The following IGF2BP3 variants were observed in gnomAD, a reference collection of about 807,000 sequenced individuals.
IGF2BP3 encodes insulin like growth factor 2 mRNA binding protein 3.
IGF2BP3 carries 9 observed loss-of-function variants against 73.8 expected under a neutral mutation model. The ratio of observed to expected loss-of-function variants is 0.12; its 90% confidence interval spans 0.07 to 0.21. The LOEUF (loss-of-function observed/expected upper bound fraction) is 0.21, where lower values mean the gene tolerates loss of function less well. Ranked by LOEUF, IGF2BP3 falls within the 10% of genes least tolerant of loss-of-function variation. The pLI, the probability that IGF2BP3 is intolerant of heterozygous loss-of-function variation, is 1.00. For missense variants in IGF2BP3, 542 were observed against 714.0 expected (o/e 0.76, Z 2.75); for synonymous variants, 258 against 256.7 (o/e 1.01, Z -0.05).
chr7:23,339,457 T>C (rs1784654601), intron 10 of IGF2BP3, among the ~76,000 whole-genome samples: 1 of 152,230 alleles, frequency 6.6e-6, no homozygotes. Context: ...ATCCAGAGAA[T>C]ATGCAGTCTT....
intron 2 of IGF2BP3, among the ~76,000 whole-genome samples, chr7:23,424,050 G>A (rs538312833): frequency 2.9e-4 from 44 of 152,166 alleles, no homozygotes; most frequent in African/African-American, 8.9e-4. Flanking sequence ...CCCGGGAGAC[G>A]GAGGTTGCAG....
At position 23,418,781 on chromosome 7, in the gene IGF2BP3, A is replaced by C; in HGVS notation, c.280T>G (p.Trp94Gly). 1 of 1,575,552 alleles carries C rather than the reference A, an allele frequency of 6.3e-7. No homozygotes were observed. The highest frequency in any genetic ancestry group is 8.7e-7 in the Non-Finnish European group (1 of 1,152,544). The change falls in exon 3 of 15, where the codon TGG (tryptophan) becomes GGG (glycine). Residue 94 changes from tryptophan to glycine, a missense_variant. By Grantham distance (184) the Trp-to-Gly change is radical. Transcript: ENST00000258729. ...TTAAATACAGAAATTCTTACCTCCCACTGTAAATGAGGCGGGATATTTCGT... is the reference window on the plus strand; with the variant it reads ...TTAAATACAGAAATTCTTACCTCCCCCTGTAAATGAGGCGGGATATTTCGT... ...QIRNIPPHLQ[W>G]EVLDSLLVQY...
intron 12 of IGF2BP3, among the ~76,000 whole-genome samples, chr7:23,317,178 G>A (rs1212543722): frequency 1.3e-5 from 2 of 152,152 alleles, no homozygotes; most frequent in East Asian, 3.9e-4. Context: ...AAGAGCTCCT[G>A]CCATTCCTAT....
intron 5 of IGF2BP3, among the ~76,000 whole-genome samples, chr7:23,355,227 T>TA (rs1487352826): frequency 6.7e-6 from 1 of 148,506 alleles, no homozygotes; most frequent in African/African-American, 2.4e-5. Context: ...TTATTTTTAT[T>TA]TTTTTTTTTT....
intron 10 of IGF2BP3, among the ~76,000 whole-genome samples, chr7:23,331,311 A>C (rs1249863544): frequency 6.6e-6 from 1 of 152,214 alleles, no homozygotes; most frequent in Non-Finnish European, 1.5e-5. Context: ...AAGGCACAGA[A>C]GTTTATGTTT....
intron 3 of IGF2BP3, among the ~76,000 whole-genome samples, chr7:23,418,548 T>G (rs1787256567): frequency 1.3e-5 from 2 of 152,232 alleles, no homozygotes; most frequent in Admixed American, 1.3e-4. Flanking sequence ...GATTACCCAG[T>G]TACCCAAGAA....
At chr7:23,388,607 C>CTTTTTTTT (rs35723715) in intron 3 of IGF2BP3, among the ~76,000 whole-genome samples, 1 of 124,022 alleles carries the variant, frequency 8.1e-6, no homozygotes, top group Non-Finnish European at 1.7e-5. Context: ...TCTTCTCCAT[C>CTTTTTTTT]TTTTTTTTTT....
chr7:23,357,958 T>C (rs1206689320), intron 5 of IGF2BP3, among the ~76,000 whole-genome samples: 1 of 152,184 alleles, frequency 6.6e-6, no homozygotes, highest in Non-Finnish European at 1.5e-5. Flanking sequence ...TGACCAGCCA[T>C]CACTGGAAAT....
At chr7:23,360,319 C>A (rs538491972) in intron 5 of IGF2BP3, among the ~76,000 whole-genome samples, 1 of 152,290 alleles carries the variant, frequency 6.6e-6, no homozygotes, top group South Asian at 2.1e-4. Flanking sequence ...TGCGATTAAT[C>A]AAAGTCATGC....
Position 23,434,891 on chromosome 7 carries a change from T to C in IGF2BP3, c.237-16067A>G, listed in dbSNP as rs190215106. Among the ~76,000 whole-genome samples, 163 of 152,270 alleles carry C rather than the reference T, an allele frequency of 1.1e-3. 1 individual carries two copies. The highest frequency in any genetic ancestry group is 3.6e-3 in the African/African-American group (149 of 41,562). ...CAACTACATCAGTATTTTCCCAAAT[T>C]TGAACTCAGTCACATTAATCCATCA... On this transcript the variant is annotated intron_variant, in intron 2 of 14. Coordinates refer to ENST00000258729, the MANE Select transcript of IGF2BP3 (RefSeq NM_006547.3).
intron 3 of IGF2BP3, among the ~76,000 whole-genome samples, chr7:23,383,000 G>T (rs894331129): frequency 1.3e-5 from 2 of 151,578 alleles, no homozygotes; most frequent in African/African-American, 4.9e-5. Context: ...TTGAGCCCAG[G>T]AAATAGAGGT....
At chr7:23,343,988 G>A in intron 8 of IGF2BP3, 135 bp from the exon 9 acceptor site, 1 of 770,110 alleles carries the variant, frequency 1.3e-6, no homozygotes, top group Non-Finnish European at 2.0e-6. Context: ...AAACATGATG[G>A]GAAATGAGTA....
In IGF2BP3 at chr7:23,314,784, C is replaced by G. The variant is rs375269063; in HGVS notation, c.1396-1131G>C. On this transcript the variant is annotated intron_variant, in intron 12 of 14. Coordinates refer to ENST00000258729, the MANE Select transcript of IGF2BP3 (RefSeq NM_006547.3). ...TCCTTTGAATATTTTAAAGAGGCTA[C>G]AACATCAAGGTAAGACACTTTTTTC... 2.4e-4 allele frequency among the ~76,000 whole-genome samples: 36 copies of G among 152,300 alleles called. No homozygotes were observed. In the East Asian group the frequency reaches 4.4e-3, roughly 19 times the overall value.
intron 2 of IGF2BP3, among the ~76,000 whole-genome samples, chr7:23,461,369 C>A (rs1309984699): frequency 4.6e-5 from 7 of 152,178 alleles, no homozygotes; most frequent in Admixed American, 4.6e-4. Flanking sequence ...TATGTCCCAT[C>A]TCCCCCTGAG....
chr7:23,422,422 G>T (rs1022824558), intron 2 of IGF2BP3, among the ~76,000 whole-genome samples: 1 of 152,098 alleles, frequency 6.6e-6, no homozygotes. Context: ...TGGTGTGGTG[G>T]CACACGCCCG....
intron 2 of IGF2BP3, among the ~76,000 whole-genome samples, chr7:23,465,752 T>C (rs1304036721): frequency 6.6e-6 from 1 of 152,172 alleles, no homozygotes; most frequent in Admixed American, 6.5e-5. Flanking sequence ...TGGAATGAAA[T>C]GACTGCTAAG....
intron 8 of IGF2BP3, among the ~76,000 whole-genome samples, chr7:23,344,847 C>T (rs1164658150): frequency 6.6e-6 from 1 of 152,214 alleles, no homozygotes; most frequent in African/African-American, 2.4e-5. Context: ...TCTTAGACTA[C>T]TTTAAAAAGA....
chr7:23,370,390 T>C (rs1785507841), intron 3 of IGF2BP3, among the ~76,000 whole-genome samples: 1 of 152,200 alleles, frequency 6.6e-6, no homozygotes, highest in Admixed American at 6.5e-5. Context: ...TCTTTTTTAT[T>C]TGACTGTTAC....
intron 1 of IGF2BP3, among the ~76,000 whole-genome samples, chr7:23,468,827 G>C (rs1433237789): frequency 7.2e-5 from 11 of 152,158 alleles, no homozygotes; most frequent in Admixed American, 2.6e-4. Context: ...CCAACACCAC[G>C]AGGCCCGCAA....
Sources: allele counts gnomAD v4.1 joint callset (sites outside exome capture counted in the v4.1 genomes callset), GRCh38; gene constraint gnomAD v4.1.1; transcripts MANE v1.5; gene names NCBI Gene and HGNC (gene_info 2026-07-23, HGNC 2026-07-21).